RMDN2: variants seen among roughly 807,000 people sequenced by gnomAD.
RMDN2 encodes the protein regulator of microtubule dynamics 2.
Under a neutral mutation model 52.8 loss-of-function variants are expected in RMDN2, and 61 were observed. The observed-to-expected ratio is 1.16, with a 90% CI of 0.94 to 1.43. RMDN2 has a LOEUF of 1.43. Ranked by LOEUF, RMDN2 falls within the 40% of genes most tolerant of loss-of-function variation. RMDN2 has a pLI of 0.00. For synonymous variants in RMDN2, 180 were observed against 153.1 expected (o/e 1.18, Z -1.30); for missense variants, 592 against 475.3 (o/e 1.25, Z -2.28).
chr2:38,039,131 T>A (rs1680799239), intron 10 of RMDN2, among the ~76,000 whole-genome samples: 1 of 151,848 alleles, frequency 6.6e-6, no homozygotes, highest in Admixed American at 6.6e-5. Context: ...TAAGATTATA[T>A]ATTCATATAA....
chr2:37,988,045 C>A (rs892512946), intron 5 of RMDN2, among the ~76,000 whole-genome samples: 1 of 152,066 alleles, frequency 6.6e-6, no homozygotes, highest in African/African-American at 2.4e-5. Flanking sequence ...GGCGATAGAG[C>A]ATGTCTTCAT....
At chr2:38,046,112 A>G (rs1392729420) in intron 10 of RMDN2, among the ~76,000 whole-genome samples, 1 of 152,226 alleles carries the variant, frequency 6.6e-6, no homozygotes, top group African/African-American at 2.4e-5. Flanking sequence ...GGCCCTAGCT[A>G]TTCACATATC....
intron 10 of RMDN2, among the ~76,000 whole-genome samples, chr2:38,007,739 T>G (rs1233199859): frequency 2.6e-5 from 4 of 152,214 alleles, no homozygotes; most frequent in African/African-American, 9.6e-5. Flanking sequence ...ATTTCTTGCC[T>G]TCTGCTAGCT....
At chr2:37,989,677 T>C in intron 6 of RMDN2, 61 bp downstream of exon 6, 1 of 1,126,938 alleles carries the variant, frequency 8.9e-7, no homozygotes, top group Non-Finnish European at 1.3e-6. Flanking sequence ...GGGTATTTAT[T>C]AATAATAAAA....
At chr2:37,973,745 G>T (rs1355634319) in intron 2 of RMDN2, among the ~76,000 whole-genome samples, 2 of 152,076 alleles carry the variant, frequency 1.3e-5, no homozygotes, top group African/African-American at 4.8e-5. Flanking sequence ...AACAGCAAGT[G>T]GAGGTTCCGA....
intron 1 of RMDN2, among the ~76,000 whole-genome samples, chr2:37,927,007 T>A (rs1666335043): frequency 6.6e-6 from 1 of 152,216 alleles, no homozygotes; most frequent in Non-Finnish European, 1.5e-5. Context: ...TCTGATGTAT[T>A]TTGTACATTA....
intron 5 of RMDN2, among the ~76,000 whole-genome samples, chr2:37,988,025 C>G (rs534877733): frequency 6.6e-6 from 1 of 152,092 alleles, no homozygotes; most frequent in African/African-American, 2.4e-5. Flanking sequence ...CACCACTGCA[C>G]TCCAGACTGG....
At chr2:38,008,929 G>A (rs966723514) in intron 10 of RMDN2, among the ~76,000 whole-genome samples, 4 of 152,094 alleles carry the variant, frequency 2.6e-5, no homozygotes, top group African/African-American at 4.8e-5. Context: ...GCATTTGCTC[G>A]TCTGTAAGGG....
intron 2 of RMDN2, among the ~76,000 whole-genome samples, chr2:37,964,099 G>T (rs1000909933): frequency 6.6e-6 from 1 of 151,608 alleles, no homozygotes; most frequent in Non-Finnish European, 1.5e-5. Flanking sequence ...CTTCCCAGAC[G>T]GGGCGGCTGC....
chr2:37,969,082 T>C (rs190526411), intron 2 of RMDN2, among the ~76,000 whole-genome samples: 1 of 152,096 alleles, frequency 6.6e-6, no homozygotes, highest in African/African-American at 2.4e-5. Flanking sequence ...GCGTACATGT[T>C]CTCTTTTGTT....
At chr2:38,028,470 A>G (rs1297773937) in intron 10 of RMDN2, among the ~76,000 whole-genome samples, 1 of 152,182 alleles carries the variant, frequency 6.6e-6, no homozygotes, top group East Asian at 1.9e-4. Context: ...TTCCACTAAC[A>G]CAATTAATTG....
At chr2:38,029,910 G>T (rs1160613418) in intron 10 of RMDN2, 3 of 152,170 alleles carry the variant, frequency 2.0e-5, no homozygotes, top group Admixed American at 1.3e-4. Context: ...AAGGCAAAAG[G>T]CACGTCTTAC....
At chr2:37,925,044 C>G (rs1348116997), upstream of RMDN2, among the ~76,000 whole-genome samples, 3 of 152,156 alleles carry the variant, frequency 2.0e-5, no homozygotes, top group Non-Finnish European at 1.5e-5. Flanking sequence ...CGAGAGGGAA[C>G]GCGCTGGGGC....
chr2:37,946,690 C>A (rs1013920421), intron 2 of RMDN2, among the ~76,000 whole-genome samples: 16 of 152,174 alleles, frequency 1.1e-4, no homozygotes, highest in African/African-American at 3.9e-4. Context: ...AGACTATATA[C>A]TACCAGTCTT....
intron 2 of RMDN2, chr2:37,952,674 C>A (rs1036587124): frequency 6.0e-6 from 1 of 165,530 alleles, no homozygotes; most frequent in African/African-American, 2.4e-5. Flanking sequence ...GCCTTGCTAG[C>A]TATATTTCTC....
downstream of RMDN2, among the ~76,000 whole-genome samples, chr2:38,021,617 C>A (rs962461596): frequency 6.6e-6 from 1 of 152,118 alleles, no homozygotes; most frequent in African/African-American, 2.4e-5. Context: ...CCACTCACCG[C>A]GAGGGTCCAC....
Position 37,928,150 on chromosome 2 carries a change from T to G in RMDN2, c.-16-1112T>G, listed in dbSNP as rs531464150. Among the ~76,000 whole-genome samples, 236 of 152,352 alleles carry G rather than the reference T, an allele frequency of 1.5e-3. 4 individuals are homozygous for G. The highest frequency in any genetic ancestry group is 4.9e-3 in the African/African-American group (205 of 41,578). ...TAAAGTCAGTCCTTCTCTTTGACAC[T>G]TAGGCCTGTAATGAAGTGTAGAACA... On this transcript the variant is annotated intron_variant, in intron 1 of 10. Coordinates refer to ENST00000354545, the MANE Select transcript of RMDN2 (RefSeq NM_001170791.3).
downstream of RMDN2, among the ~76,000 whole-genome samples, chr2:38,020,589 C>A (rs1449539656): frequency 6.6e-6 from 1 of 152,316 alleles, no homozygotes; most frequent in South Asian, 2.1e-4. Flanking sequence ...GTGGGCTTGG[C>A]GGGCCCCACA....
intron 4 of RMDN2, among the ~76,000 whole-genome samples, chr2:37,977,857 G>C (rs1437091315): frequency 1.3e-5 from 2 of 151,616 alleles, no homozygotes; most frequent in Non-Finnish European, 2.9e-5. Flanking sequence ...GGGCAGAGGG[G>C]CTCCTCACAT....
Sources: gnomAD v4.1 joint callset for allele counts (sites outside exome capture counted in the v4.1 genomes callset) on GRCh38, gnomAD v4.1.1 for gene constraint, MANE v1.5 for transcripts, NCBI Gene and HGNC (gene_info 2026-07-23, HGNC 2026-07-21) for gene names.